Variants in PNPLA3 observed in about 807,000 individuals in gnomAD.
PNPLA3 encodes 1-acylglycerol-3-phosphate O-acyltransferase PNPLA3.
Under a neutral mutation model 43.1 loss-of-function variants are expected in PNPLA3, and 42 were observed. The observed-to-expected ratio is 0.97, with a 90% CI of 0.76 to 1.26. PNPLA3 has a LOEUF of 1.26. PNPLA3 is among the 50% of genes most tolerant of loss of function. PNPLA3 has a pLI of 0.00. For missense variants in PNPLA3, 647 were observed against 621.4 expected (o/e 1.04, Z -0.44); for synonymous variants, 272 against 253.6 (o/e 1.07, Z -0.69).
At chr22:43,933,742 T>A (rs1420914373) in intron 4 of PNPLA3, among the ~76,000 whole-genome samples, 1 of 152,186 alleles carries the variant, frequency 6.6e-6, no homozygotes, top group Non-Finnish European at 1.5e-5. Flanking sequence ...CTTTTTTGAT[T>A]GTGGTGGTTT....
At chr22:43,935,451 A>G (rs2049988972) in intron 5 of PNPLA3, among the ~76,000 whole-genome samples, 1 of 152,120 alleles carries the variant, frequency 6.6e-6, no homozygotes, top group Non-Finnish European at 1.5e-5. Flanking sequence ...TACAGGTGCC[A>G]ATGAGAAGGC....
intron 4 of PNPLA3, 141 bp from the exon 5 acceptor site, chr22:43,934,465 C>A: frequency 1.3e-6 from 1 of 770,458 alleles, no homozygotes; most frequent in Non-Finnish European, 2.2e-6. Context: ...TTTGCTCAGC[C>A]CCCAGGTGGC....
At chr22:43,929,599 C>CTT (rs201016637) in intron 3 of PNPLA3, among the ~76,000 whole-genome samples, 14 of 128,746 alleles carry the variant, frequency 1.1e-4, no homozygotes, top group African/African-American at 2.6e-4. Context: ...TTTTTCTTTT[C>CTT]TTTTTTTTTT....
intron 2 of PNPLA3, among the ~76,000 whole-genome samples, chr22:43,928,586 A>T (rs2049940416): frequency 6.6e-6 from 1 of 151,638 alleles, no homozygotes; most frequent in African/African-American, 2.4e-5. Flanking sequence ...GAGCAAGGAG[A>T]GGAAGTTGAA....
intron 5 of PNPLA3, among the ~76,000 whole-genome samples, chr22:43,936,408 C>T (rs996556085): frequency 6.6e-6 from 1 of 152,060 alleles, no homozygotes. Context: ...GTCTGAAGTC[C>T]CCCTCCCCCA....
chr22:43,943,495 C>T lies in PNPLA3; in HGVS notation c.1113-1196C>T, dbSNP rs569757309. On this transcript the variant is annotated intron_variant, in intron 7 of 8. Coordinates refer to ENST00000216180, the MANE Select transcript of PNPLA3 (RefSeq NM_025225.3). The stretch of plus-strand genomic sequence containing the variant: ...GCCCTGGTGGTGAACGCTGGCTCCC[C>T]GTGCTCTGCCTGTTTCATCACCAGC... 9.2e-5 allele frequency among the ~76,000 whole-genome samples: 14 copies of T among 152,258 alleles called. No individual in the cohort carries two copies. In the East Asian group the frequency reaches 1.2e-3, roughly 13 times the overall value.
At chr22:43,928,947 C>T (rs892484030) in intron 3 of PNPLA3, 58 bp downstream of exon 3, 1 of 1,502,968 alleles carries the variant, frequency 6.7e-7, no homozygotes, top group South Asian at 1.1e-5. Flanking sequence ...TGTGCTCACA[C>T]ATCTCCTGCC....
intron 4 of PNPLA3, among the ~76,000 whole-genome samples, chr22:43,933,707 G>T (rs1022652375): frequency 2.6e-5 from 4 of 152,216 alleles, no homozygotes; most frequent in Admixed American, 6.5e-5. Context: ...ACACGGTCAA[G>T]AACAACTGCG....
chr22:43,924,084 C>T lies in PNPLA3; in HGVS notation c.173C>T (p.Ser58Phe). 1.3e-6 allele frequency: 2 copies of T among 1,560,872 alleles called. No individual in the cohort carries two copies. Among genetic ancestry groups the T allele is most frequent in the Non-Finnish European group, 1.7e-6 (2 of 1,163,402 alleles). ...AGALHCVGVLSGIPLEQTLQV... is the reference protein window; with the variant it reads ...AGALHCVGVLFGIPLEQTLQV... Reference sequence around the variant, plus strand: ...GCGTTGCACTGCGTCGGCGTCCTCTCCGGTATCCCGCTGGGTGCGTCTGGG... The same window carrying T: ...GCGTTGCACTGCGTCGGCGTCCTCTTCGGTATCCCGCTGGGTGCGTCTGGG... Residue 58 changes from serine to phenylalanine, a missense_variant, in exon 1 of 9, where the codon TCC (serine) becomes TTC (phenylalanine). Physicochemically the swap from Ser to Phe is radical, Grantham distance 155. Coordinates refer to ENST00000216180, the MANE Select transcript of PNPLA3 (RefSeq NM_025225.3).
chr22:43,924,440 G>A (rs1231506373), intron 1 of PNPLA3: 3 of 283,252 alleles, frequency 1.1e-5, no homozygotes, highest in Admixed American at 5.6e-5. Flanking sequence ...TAGGGAGCGG[G>A]ACCCGGGGCG....
intron 5 of PNPLA3, among the ~76,000 whole-genome samples, chr22:43,936,124 T>A (rs2049993953): frequency 6.6e-6 from 1 of 151,964 alleles, no homozygotes; most frequent in Admixed American, 6.6e-5. Context: ...GGTTGAGGGT[T>A]GAGGACATTA....
intron 7 of PNPLA3, among the ~76,000 whole-genome samples, 160 bp downstream of exon 7, chr22:43,940,285 C>G (rs1324701407): frequency 6.6e-6 from 1 of 152,196 alleles, no homozygotes; most frequent in African/African-American, 2.4e-5. Flanking sequence ...GCCCACCTGT[C>G]CTCAAGCCAC....
chr22:43,927,097 C>T lies in PNPLA3; in HGVS notation c.350C>T (p.Ser117Phe). 3 of 1,614,250 alleles carry T rather than the reference C, an allele frequency of 1.9e-6. No individual in the cohort carries two copies. The highest frequency in any genetic ancestry group is 2.5e-6 in the Non-Finnish European group (3 of 1,180,052). ...HQLISGKIGI[S>F]LTRVSDGENV... ...CTCATCTCCGGCAAAATAGGCATCT[C>T]TCTTACCAGAGTGTCTGATGGGGAA... Residue 117 changes from serine (S) to phenylalanine (F), a missense_variant, in exon 2 of 9, where the codon TCT becomes TTT. Coordinates refer to ENST00000216180, the MANE Select transcript of PNPLA3 (RefSeq NM_025225.3).
intron 8 of PNPLA3, among the ~76,000 whole-genome samples, chr22:43,945,721 G>A (rs969796876): frequency 1.3e-5 from 2 of 152,158 alleles, no homozygotes; most frequent in Admixed American, 1.3e-4. Flanking sequence ...CCCAGGCAGG[G>A]ACGATCTGTA....
At chr22:43,939,026 A>C (rs982859254) in intron 6 of PNPLA3, among the ~76,000 whole-genome samples, 4 of 152,118 alleles carry the variant, frequency 2.6e-5, no homozygotes, top group African/African-American at 9.7e-5. Context: ...CCCAGGTTCA[A>C]ATGATCCTCA....
At chr22:43,924,339 G>A in intron 1 of PNPLA3, 1 of 515,084 alleles carries the variant, frequency 1.9e-6, no homozygotes, top group Non-Finnish European at 3.3e-6. Context: ...ACTCTCGTGC[G>A]TCCCCACCCC....
intron 1 of PNPLA3, among the ~76,000 whole-genome samples, chr22:43,925,298 G>A (rs1025318559): frequency 1.3e-5 from 2 of 152,096 alleles, no homozygotes; most frequent in African/African-American, 4.8e-5. Flanking sequence ...TGTGGTGGGG[G>A]TGCAGACGGA....
At chr22:43,937,325 A>C (rs772068249) in intron 6 of PNPLA3, 53 bp downstream of exon 6, 1 of 1,532,840 alleles carries the variant, frequency 6.5e-7, no homozygotes, top group Non-Finnish European at 8.9e-7. Context: ...TTTCTTGTGC[A>C]TTATGGAGGA....
At chr22:43,928,485 G>A (rs796162256) in intron 2 of PNPLA3, among the ~76,000 whole-genome samples, 5 of 152,144 alleles carry the variant, frequency 3.3e-5, no homozygotes, top group East Asian at 3.9e-4. Flanking sequence ...AATGAATACC[G>A]GCATTTGAAC....
Sources: gnomAD v4.1 joint callset for allele counts (sites outside exome capture counted in the v4.1 genomes callset) on GRCh38, gnomAD v4.1.1 for gene constraint, MANE v1.5 for transcripts, NCBI Gene and HGNC (gene_info 2026-07-23, HGNC 2026-07-21) for gene names.